DIP2B: variants seen among roughly 807,000 people sequenced by gnomAD.
DIP2B encodes DIP2 acetate--CoA ligase B (putative), also known as disco-interacting protein 2 homolog B.
In DIP2B, 76 loss-of-function variants were observed where a neutral mutation model predicts 198.0. The observed-to-expected ratio is 0.38, with a 90% confidence interval of 0.32 to 0.46. The LOEUF (loss-of-function observed/expected upper bound fraction) is 0.46, where lower values mean the gene tolerates loss of function less well. DIP2B is among the 20% of genes least tolerant of loss of function. The pLI is 0.99. For missense variants in DIP2B, 1,559 were observed against 1,978.4 expected (o/e 0.79, Z 4.02); for synonymous variants, 701 against 739.1 (o/e 0.95, Z 0.84).
intron 2 of DIP2B, among the ~76,000 whole-genome samples, chr12:50,627,800 C>T (rs1937964965): frequency 6.6e-6 from 1 of 152,216 alleles, no homozygotes; most frequent in Non-Finnish European, 1.5e-5. Context: ...TGCAGGTGAC[C>T]TCACAGGGGA....
intron 1 of DIP2B, among the ~76,000 whole-genome samples, chr12:50,622,857 G>A (rs546744382): frequency 8.6e-5 from 13 of 151,320 alleles, no homozygotes; most frequent in African/African-American, 1.7e-4. Context: ...GGTGATCTGC[G>A]TGCCTCGGCC....
chr12:50,716,957 G>GTTTTTTTTTTTTTTTTTT (rs1592140618), intron 23 of DIP2B, among the ~76,000 whole-genome samples: 1 of 7,786 alleles, frequency 1.3e-4, no homozygotes, highest in Non-Finnish European at 4.5e-4. Context: ...ACGAATTGTT[G>GTTTTTTTTTTTTTTTTTT]CTTTTTTTTT....
Position 50,732,429 on chromosome 12 carries a change from G to C in DIP2B, c.3874G>C (p.Val1292Leu), listed in dbSNP as rs200282822. 1 of 1,614,228 alleles carries C rather than the reference G, an allele frequency of 6.2e-7. No individual in the cohort carries two copies. The highest frequency in any genetic ancestry group is 8.5e-7 in the Non-Finnish European group (1 of 1,180,038). Residue 1292 changes from valine (V) to leucine (L), a missense_variant, in exon 32 of 38, where the codon GTT becomes CTT. By Grantham distance (32) the Val-to-Leu change is conservative. Coordinates refer to ENST00000301180, the MANE Select transcript of DIP2B (RefSeq NM_173602.3). ...CVVVAEERPR[V>L]ALQQSFSKLF... ...GGTGGTGGCGGAGGAGAGGCCCCGCGTTGCACTCCAGCAGTCCTTCTCTAA... is the reference window on the plus strand; with the variant it reads ...GGTGGTGGCGGAGGAGAGGCCCCGCCTTGCACTCCAGCAGTCCTTCTCTAA...
At chr12:50,671,708 G>C (rs940987495) in intron 5 of DIP2B, among the ~76,000 whole-genome samples, 2 of 152,122 alleles carry the variant, frequency 1.3e-5, no homozygotes, top group African/African-American at 4.8e-5. Flanking sequence ...AAGAATATTC[G>C]ATCTATTAAA....
intron 1 of DIP2B, among the ~76,000 whole-genome samples, chr12:50,555,821 C>A (rs1361354121): frequency 6.6e-6 from 1 of 152,010 alleles, no homozygotes; most frequent in East Asian, 1.9e-4. Context: ...CCCTTCTTTC[C>A]TTTTGCTTCT....
Position 50,608,637 on chromosome 12 carries a change from AAAAG to A in DIP2B, c.101-17331_101-17328del, listed in dbSNP as rs201943819. Among the ~76,000 whole-genome samples the A allele has an allele frequency of 5.7e-3, 865 of 151,798 alleles. 8 individuals carry two copies. The highest frequency in any genetic ancestry group is 0.02 in the African/African-American group (828 of 41,316). ...CAAGACTCAGTCTCAAAAAAAAAAA[AAAAG>A]AAAGAAAAGAAAAGAAAACAAATAG... is the stretch of plus-strand genomic sequence containing the variant. On this transcript the variant is annotated intron_variant, in intron 1 of 37. Transcript: ENST00000301180.
intron 1 of DIP2B, among the ~76,000 whole-genome samples, chr12:50,597,151 C>G (rs1244672427): frequency 3.3e-5 from 5 of 152,158 alleles, no homozygotes; most frequent in Non-Finnish European, 5.9e-5. Context: ...TCTTCTGCAC[C>G]TTGTTTTTCA....
chr12:50,629,591 G>A (rs543239457), intron 2 of DIP2B, among the ~76,000 whole-genome samples: 2 of 151,980 alleles, frequency 1.3e-5, no homozygotes, highest in South Asian at 2.1e-4. Context: ...TCTTCAACCC[G>A]ATCTCTTCCG....
chr12:50,573,853 T>G (rs1329759939), intron 1 of DIP2B, among the ~76,000 whole-genome samples: 3 of 152,258 alleles, frequency 2.0e-5, no homozygotes, highest in Non-Finnish European at 2.9e-5. Flanking sequence ...ATAATTTGTC[T>G]TAGGCTTTTT....
At chr12:50,624,555 A>G (rs1937894966) in intron 1 of DIP2B, among the ~76,000 whole-genome samples, 1 of 152,046 alleles carries the variant, frequency 6.6e-6, no homozygotes, top group Non-Finnish European at 1.5e-5. Context: ...GTTGGTCTTG[A>G]ACTCCCAACC....
rs187655339 is a variant in DIP2B, at chr12:50,536,820, C to T, written c.100+31580C>T. Among the ~76,000 whole-genome samples, 42 of 151,652 alleles carry T rather than the reference C, an allele frequency of 2.8e-4. No homozygotes were observed. In the East Asian group the frequency reaches 5.6e-3, roughly 20 times the overall value. On this transcript the variant is annotated intron_variant, in intron 1 of 37. Coordinates refer to ENST00000301180, the MANE Select transcript of DIP2B (RefSeq NM_173602.3). ...CTGACCTCAAGTGATCTGCCTGCCT[C>T]GGCCTCCCAAAGTGCTGGGATTACA... is the stretch of plus-strand genomic sequence containing the variant.
intron 1 of DIP2B, among the ~76,000 whole-genome samples, chr12:50,603,717 G>C (rs1958958488): frequency 6.6e-6 from 1 of 151,704 alleles, no homozygotes; most frequent in African/African-American, 2.4e-5. Flanking sequence ...ATGAGACCTT[G>C]CCTTTGGAAA....
At chr12:50,718,052 AC>A (rs1173111292) in intron 23 of DIP2B, among the ~76,000 whole-genome samples, 3 of 151,520 alleles carry the variant, frequency 2.0e-5, no homozygotes, top group South Asian at 2.1e-4. Flanking sequence ...GGTGTGTACC[AC>A]CACGCCCAGC....
chr12:50,584,790 G>A (rs1261950175), intron 1 of DIP2B, among the ~76,000 whole-genome samples: 8 of 152,104 alleles, frequency 5.3e-5, no homozygotes, highest in Admixed American at 6.6e-5. Context: ...TCTTGAACTC[G>A]TGACCTCAAG....
In DIP2B at chr12:50,680,404, GA is replaced by G. The variant is rs1179616576; in HGVS notation, c.1115-266del. ...AGGATATGCAGATTCTTTCAGAAAA[GA>G]ATTTGAAATATTATGTAAACCAGGA... On this transcript the variant is annotated intron_variant, in intron 8 of 37. Coordinates refer to ENST00000301180, the MANE Select transcript of DIP2B (RefSeq NM_173602.3). 1.7e-5 allele frequency: 5 copies of G among 294,666 alleles called. No homozygotes were observed. The Admixed American group carries it at 2.4e-4, about 14-fold the overall frequency. The allele number at this position is 294,666 out of a possible 1,614,324, so 18.3% of individuals were successfully genotyped here.
At chr12:50,599,004 T>G (rs1215570737) in intron 1 of DIP2B, among the ~76,000 whole-genome samples, 1 of 106,534 alleles carries the variant, frequency 9.4e-6, no homozygotes, top group Admixed American at 1.0e-4. Flanking sequence ...AAAAAAAAAC[T>G]CTTGGCTGGG....
At chr12:50,616,387 C>T (rs1937700909) in intron 1 of DIP2B, among the ~76,000 whole-genome samples, 2 of 152,160 alleles carry the variant, frequency 1.3e-5, no homozygotes. Flanking sequence ...ACTTTTAGAA[C>T]CACTTATTTT....
intron 1 of DIP2B, among the ~76,000 whole-genome samples, chr12:50,519,882 A>G (rs1466326826): frequency 7.3e-5 from 11 of 151,620 alleles, no homozygotes; most frequent in Non-Finnish European, 1.5e-5. Context: ...TTAGGCATAC[A>G]TTAAAGCATC....
Position 50,653,873 on chromosome 12 carries a change from A to AT in DIP2B, c.302-6313dup, listed in dbSNP as rs199966792. ...TCTTTATTATTTCTTTCCTTTTGCTATTTTTTTTGTTTGTTTTTGAGACAG... is the reference window on the plus strand; with the variant it reads ...TCTTTATTATTTCTTTCCTTTTGCTATTTTTTTTTGTTTGTTTTTGAGACAG... On this transcript the variant is annotated intron_variant, in intron 3 of 37. Transcript: ENST00000301180. Among the ~76,000 whole-genome samples the AT allele has an allele frequency of 1.5e-4, 23 of 150,152 alleles. No individual in the cohort carries two copies. The East Asian group carries it at 2.2e-3, about 14-fold the overall frequency.
Sources: gnomAD v4.1 joint callset for allele counts (sites outside exome capture counted in the v4.1 genomes callset) on GRCh38, gnomAD v4.1.1 for gene constraint, MANE v1.5 for transcripts, NCBI Gene and HGNC (gene_info 2026-07-23, HGNC 2026-07-21) for gene names.